NTRK2: variants seen among roughly 807,000 people sequenced by gnomAD.
NTRK2 encodes neurotrophic receptor tyrosine kinase 2.
In NTRK2, 13 loss-of-function variants were observed where a neutral mutation model predicts 94.5. That is an observed-to-expected ratio of 0.14 (90% CI 0.09 to 0.22). The LOEUF is 0.22. NTRK2 is among the 10% of genes least tolerant of loss of function. The pLI, the probability that NTRK2 is intolerant of heterozygous loss-of-function variation, is 1.00. For missense variants in NTRK2, 639 were observed against 1,071.2 expected (o/e 0.60, Z 5.63); for synonymous variants, 372 against 407.4 (o/e 0.91, Z 1.05).
In NTRK2 at chr9:84,908,860, T is replaced by C. The variant is rs571676908; in HGVS notation, c.1634-25302T>C. Among the ~76,000 whole-genome samples the C allele has an allele frequency of 3.3e-5, 5 of 152,308 alleles. No individual in the cohort carries two copies. In the East Asian group the frequency reaches 9.6e-4, roughly 29 times the overall value. ...AGGCACACCTCTTACAATTTTTAAT[T>C]AAACTTCTGCTTTGAAGGAATTGTA... On this transcript the variant is annotated intron_variant, in intron 14 of 18. Coordinates refer to ENST00000277120, the MANE Select transcript of NTRK2 (RefSeq NM_006180.6).
At chr9:84,997,698 G>C (rs956083277) in intron 17 of NTRK2, among the ~76,000 whole-genome samples, 1 of 152,200 alleles carries the variant, frequency 6.6e-6, no homozygotes, top group Admixed American at 6.5e-5. Context: ...GGCTGATGAT[G>C]TGCACAGCAG....
chr9:84,696,748 C>G (rs555270255), intron 2 of NTRK2, among the ~76,000 whole-genome samples: 31 of 152,264 alleles, frequency 2.0e-4, no homozygotes, highest in South Asian at 2.1e-4. Context: ...TAAAAATGTT[C>G]TGATTGGAAA....
At chr9:84,722,248 AG>A (rs539958423) in intron 6 of NTRK2, among the ~76,000 whole-genome samples, 1 of 144,290 alleles carries the variant, frequency 6.9e-6, no homozygotes, top group Non-Finnish European at 1.5e-5. Flanking sequence ...AGAGTTTGGA[AG>A]GGGGGGTCTC....
chr9:84,924,325 G>T (rs1037217177), intron 14 of NTRK2, among the ~76,000 whole-genome samples: 2 of 152,216 alleles, frequency 1.3e-5, no homozygotes, highest in Non-Finnish European at 1.5e-5. Context: ...TGCACACAGT[G>T]TGGGAGGTAC....
intron 17 of NTRK2, among the ~76,000 whole-genome samples, chr9:84,999,146 G>A (rs993167279): frequency 1.3e-4 from 20 of 152,158 alleles, no homozygotes; most frequent in Admixed American, 9.8e-4. Context: ...CACCAAGCCC[G>A]CTCATTAAGT....
chr9:84,994,746 T>G (rs1332111368), intron 17 of NTRK2, among the ~76,000 whole-genome samples: 2 of 152,248 alleles, frequency 1.3e-5, no homozygotes, highest in Admixed American at 6.5e-5. Context: ...ATGTATTTGC[T>G]GTCTCAAAAT....
intron 14 of NTRK2, chr9:84,872,150 T>C (rs998865436): frequency 8.1e-7 from 1 of 1,237,798 alleles, no homozygotes; most frequent in Non-Finnish European, 1.0e-6. Context: ...TTTAGACGTG[T>C]CTGAACACCA....
intron 12 of NTRK2, among the ~76,000 whole-genome samples, chr9:84,788,191 G>A (rs570304781): frequency 5.3e-5 from 8 of 152,220 alleles, no homozygotes; most frequent in Admixed American, 3.3e-4. Flanking sequence ...TGATCTTGGC[G>A]ATCCAAAGCA....
intron 12 of NTRK2, among the ~76,000 whole-genome samples, chr9:84,816,473 G>A (rs2072405697): frequency 6.6e-6 from 1 of 151,872 alleles, no homozygotes; most frequent in South Asian, 2.1e-4. Flanking sequence ...CAAGTATACT[G>A]CCCCTCTTAT....
chr9:84,857,146 C>T (rs2131952079), intron 12 of NTRK2, among the ~76,000 whole-genome samples: 1 of 151,620 alleles, frequency 6.6e-6, no homozygotes, highest in South Asian at 2.1e-4. Context: ...TGAATTCCAT[C>T]TTAGAGTTGT....
At chr9:84,730,807 A>AAAAAAAAAAAAAC (rs2062833486) in intron 9 of NTRK2, among the ~76,000 whole-genome samples, 1 of 144,896 alleles carries the variant, frequency 6.9e-6, no homozygotes, top group East Asian at 2.0e-4. Flanking sequence ...AAAAAAAAAA[A>AAAAAAAAAAAAAC]ATCCCTGCTT....
At chr9:84,956,840 G>A (rs965112849) in intron 17 of NTRK2, among the ~76,000 whole-genome samples, 1 of 74,678 alleles carries the variant, frequency 1.3e-5, no homozygotes, top group African/African-American at 5.4e-5. Flanking sequence ...TCATTTGACT[G>A]TTTTGTGGTG....
chr9:84,860,979 G>T (rs1300856191), intron 12 of NTRK2, 61 bp from the exon 13 acceptor site: 5 of 1,343,460 alleles, frequency 3.7e-6, no homozygotes, highest in South Asian at 3.6e-5. Flanking sequence ...GGACAGTGTT[G>T]ACCACCTCCG....
intron 12 of NTRK2, among the ~76,000 whole-genome samples, chr9:84,754,667 A>G (rs549791558): frequency 9.2e-5 from 14 of 152,354 alleles, no homozygotes; most frequent in Admixed American, 9.2e-4. Flanking sequence ...TGAACTGTGC[A>G]TAGCTTTGGC....
In NTRK2 at chr9:85,024,148, G is replaced by C. The variant is rs1019386085; in HGVS notation, c.*2711G>C. 42 of 231,560 alleles carry C rather than the reference G, an allele frequency of 1.8e-4. No individual in the cohort carries two copies. The highest frequency in any genetic ancestry group is 9.0e-4 in the African/African-American group (41 of 45,352). 14.3% of individuals were successfully genotyped at this position (231,560 alleles called of 1,614,324 possible). ...ACTATTACTATCTCTGTTGTCTTAAGAGTATGTGCTGATTTCAGAGACATC... is the reference window on the plus strand; with the variant it reads ...ACTATTACTATCTCTGTTGTCTTAACAGTATGTGCTGATTTCAGAGACATC... On this transcript the variant is annotated 3_prime_UTR_variant, in exon 19 of 19. Transcript: ENST00000277120.
intron 12 of NTRK2, among the ~76,000 whole-genome samples, chr9:84,755,293 C>T (rs922541846): frequency 6.6e-6 from 1 of 152,192 alleles, no homozygotes; most frequent in Non-Finnish European, 1.5e-5. Flanking sequence ...CTTTGAGCTC[C>T]ATGGTAACAG....
chr9:84,766,188 G>C (rs1365739733), intron 12 of NTRK2, among the ~76,000 whole-genome samples: 2 of 152,132 alleles, frequency 1.3e-5, no homozygotes, highest in East Asian at 3.9e-4. Context: ...CTGCTACGAT[G>C]ACACTGGGGC....
intron 12 of NTRK2, chr9:84,815,371 T>C: frequency 1.9e-6 from 2 of 1,046,226 alleles, no homozygotes; most frequent in Non-Finnish European, 2.3e-6. Flanking sequence ...TCACCTTTAT[T>C]GTAAGACAGT....
At chr9:84,757,639 G>T (rs2065201819) in intron 12 of NTRK2, among the ~76,000 whole-genome samples, 2 of 152,190 alleles carry the variant, frequency 1.3e-5, no homozygotes, top group Admixed American at 1.3e-4. Context: ...AACCCATAGG[G>T]TTGTTATGAA....
Sources: allele counts gnomAD v4.1 joint callset (sites outside exome capture counted in the v4.1 genomes callset), GRCh38; gene constraint gnomAD v4.1.1; transcripts MANE v1.5; gene names NCBI Gene and HGNC (gene_info 2026-07-23, HGNC 2026-07-21).